The following ENOX1 variants were observed in gnomAD, a reference collection of about 807,000 sequenced individuals.
ENOX1 encodes ecto-NOX disulfide-thiol exchanger 1, also known as candidate growth-related and time keeping constitutive hydroquinone (NADH) oxidase.
Under a neutral mutation model 82.5 loss-of-function variants are expected in ENOX1, and 42 were observed. That is an observed-to-expected ratio of 0.51 (90% CI 0.40 to 0.66). ENOX1 has a LOEUF of 0.66. Among genes scored for constraint, ENOX1 ranks in the 30% least tolerant of loss-of-function variants. The pLI is 0.00. For synonymous variants in ENOX1, 271 were observed against 282.2 expected (o/e 0.96, Z 0.40); for missense variants, 608 against 811.6 (o/e 0.75, Z 3.05).
At chr13:43,612,425 G>T (rs961422723) in intron 2 of ENOX1, among the ~76,000 whole-genome samples, 1 of 152,096 alleles carries the variant, frequency 6.6e-6, no homozygotes, top group Non-Finnish European at 1.5e-5. Flanking sequence ...ATCAAAAAGG[G>T]AACTGAATTT....
At chr13:43,569,262 C>G (rs1365169590) in intron 2 of ENOX1, among the ~76,000 whole-genome samples, 1 of 152,098 alleles carries the variant, frequency 6.6e-6, no homozygotes, top group South Asian at 2.1e-4. Context: ...TCATAAGGCT[C>G]TCTTAGGAAG....
chr13:43,415,240 T>TG (rs1342557237), intron 3 of ENOX1, among the ~76,000 whole-genome samples: 2 of 143,854 alleles, frequency 1.4e-5, no homozygotes, highest in African/African-American at 2.6e-5. Context: ...ATGTTTTTTT[T>TG]TTTTTTTTTT....
chr13:43,630,238 C>T (rs2083144060), intron 2 of ENOX1, among the ~76,000 whole-genome samples: 1 of 152,138 alleles, frequency 6.6e-6, no homozygotes, highest in South Asian at 2.1e-4. Flanking sequence ...TAAGCCATTG[C>T]ATGTGTAAGA....
chr13:43,230,512 A>G (rs2042231964), intron 15 of ENOX1, among the ~76,000 whole-genome samples: 1 of 152,274 alleles, frequency 6.6e-6, no homozygotes, highest in African/African-American at 2.4e-5. Context: ...CTTACATACA[A>G]GATCACTAAG....
At chr13:43,717,675 G>A (rs2088242876) in intron 1 of ENOX1, among the ~76,000 whole-genome samples, 1 of 151,758 alleles carries the variant, frequency 6.6e-6, no homozygotes, top group African/African-American at 2.4e-5. Context: ...GAATCTACAA[G>A]CAAAAACAAA....
chr13:43,314,724 G>A (rs1430782859), intron 11 of ENOX1, among the ~76,000 whole-genome samples: 1 of 152,208 alleles, frequency 6.6e-6, no homozygotes, highest in Non-Finnish European at 1.5e-5. Flanking sequence ...TGGAGAGGTA[G>A]AGAAGAAAAT....
At chr13:43,246,558 T>C (rs1372741594) in intron 14 of ENOX1, among the ~76,000 whole-genome samples, 4 of 152,186 alleles carry the variant, frequency 2.6e-5, no homozygotes, top group African/African-American at 9.7e-5. Context: ...TGTTTGCGGG[T>C]GACGGACTTC....
chr13:43,507,082 C>T (rs1318313499), intron 2 of ENOX1, among the ~76,000 whole-genome samples: 1 of 151,718 alleles, frequency 6.6e-6, no homozygotes, highest in Non-Finnish European at 1.5e-5. Flanking sequence ...AATAATCAGA[C>T]AATTATCAAT....
At chr13:43,526,724 TTTAC>T (rs752978772) in intron 2 of ENOX1, among the ~76,000 whole-genome samples, 40 of 152,142 alleles carry the variant, frequency 2.6e-4, no homozygotes, top group Non-Finnish European at 1.0e-4. Context: ...TCTAGCCTAC[TTTAC>T]TTTTTTCTTA....
chr13:43,780,905 A>G (rs1165244621), intron 1 of ENOX1, among the ~76,000 whole-genome samples: 1 of 152,214 alleles, frequency 6.6e-6, no homozygotes. Context: ...ATGTTAACAC[A>G]GCACCTTGGT....
intron 2 of ENOX1, among the ~76,000 whole-genome samples, chr13:43,607,851 C>A (rs78084429): frequency 0.012 from 1,812 of 152,228 alleles, 40 homozygotes; most frequent in African/African-American, 0.041. Flanking sequence ...TATAAGGATT[C>A]TCTGATAAAA....
chr13:43,566,116 A>T (rs990947982), intron 2 of ENOX1, among the ~76,000 whole-genome samples: 1 of 152,224 alleles, frequency 6.6e-6, no homozygotes, highest in African/African-American at 2.4e-5. Context: ...TGTTTTTGCT[A>T]CTAAAATTAT....
chr13:43,463,890 CATTT>C (rs1428708057), intron 3 of ENOX1, among the ~76,000 whole-genome samples: 2 of 152,176 alleles, frequency 1.3e-5, no homozygotes, highest in Non-Finnish European at 2.9e-5. Flanking sequence ...TTCATCCATT[CATTT>C]ATTTGACAGT....
chr13:43,642,729 T>C (rs1246758807), intron 2 of ENOX1, among the ~76,000 whole-genome samples: 1 of 152,226 alleles, frequency 6.6e-6, no homozygotes, highest in Non-Finnish European at 1.5e-5. Flanking sequence ...TCATCCATGA[T>C]ACTATCTAAA....
intron 1 of ENOX1, among the ~76,000 whole-genome samples, chr13:43,739,167 T>C (rs1337411581): frequency 6.6e-6 from 1 of 152,178 alleles, no homozygotes; most frequent in African/African-American, 2.4e-5. Flanking sequence ...GTACCGGCAT[T>C]TTTCTAAGTA....
At chr13:43,586,791 G>A (rs772009360) in intron 2 of ENOX1, among the ~76,000 whole-genome samples, 9 of 152,110 alleles carry the variant, frequency 5.9e-5, no homozygotes, top group Non-Finnish European at 1.0e-4. Flanking sequence ...AGTAAAAGAG[G>A]CGGTGGCTCA....
intron 2 of ENOX1, among the ~76,000 whole-genome samples, chr13:43,522,292 C>T (rs1284757424): frequency 6.6e-6 from 1 of 151,970 alleles, no homozygotes; most frequent in East Asian, 1.9e-4. Context: ...CTAGTATTGG[C>T]TTAATGAGCT....
In ENOX1 at chr13:43,706,837, A is replaced by G. The variant is rs545939664; in HGVS notation, c.-284-39293T>C. On this transcript the variant is annotated intron_variant, in intron 1 of 16. Transcript: ENST00000690772. ...GCTTTTCTCCTAAAGTCAGGAAAAT[A>G]TCCACTCCTACCACTTCTACTCAAC... 1.1e-4 allele frequency among the ~76,000 whole-genome samples: 17 copies of G among 152,246 alleles called. No individual in the cohort carries two copies. The South Asian group carries it at 3.1e-3, about 28-fold the overall frequency.
intron 1 of ENOX1, among the ~76,000 whole-genome samples, chr13:43,685,931 C>A (rs888952726): frequency 2.7e-5 from 4 of 150,194 alleles, no homozygotes; most frequent in Admixed American, 2.6e-4. Context: ...TTGAAACACT[C>A]AGAAATCTCT....
Sources: gnomAD v4.1 joint callset for allele counts (sites outside exome capture counted in the v4.1 genomes callset) on GRCh38, gnomAD v4.1.1 for gene constraint, MANE v1.5 for transcripts, NCBI Gene and HGNC (gene_info 2026-07-23, HGNC 2026-07-21) for gene names.